The following UBE3D variants were observed in gnomAD, a reference collection of about 807,000 sequenced individuals.
UBE3D encodes the protein E3 ubiquitin-protein ligase E3D.
Under a neutral mutation model 49.6 loss-of-function variants are expected in UBE3D, and 48 were observed. The observed-to-expected ratio is 0.97, with a 90% CI of 0.77 to 1.23. The LOEUF (loss-of-function observed/expected upper bound fraction) is 1.23. UBE3D is among the 50% of genes most tolerant of loss of function. UBE3D has a pLI of 0.00. For missense variants in UBE3D, 452 were observed against 468.4 expected (o/e 0.96, Z 0.32); for synonymous variants, 189 against 174.2 (o/e 1.08, Z -0.67).
At chr6:83,026,263 A>G (rs894569287) in intron 5 of UBE3D, among the ~76,000 whole-genome samples, 1 of 152,030 alleles carries the variant, frequency 6.6e-6, no homozygotes, top group Non-Finnish European at 1.5e-5. Flanking sequence ...TCTGGACAAC[A>G]AAGTGACAGC....
chr6:83,057,964 T>C lies in UBE3D; in HGVS notation c.136A>G (p.Met46Val). Reference sequence around the variant, plus strand: ...TCTGTGCAGCCTTCAGGGGTTTTCATCTGGAGTGAAGATGGCATTATGGAA... The same window carrying C: ...TCTGTGCAGCCTTCAGGGGTTTTCACCTGGAGTGAAGATGGCATTATGGAA... ...NISIMPSSLQ[M>V]KTPEGCTEIQ... The change falls in exon 2 of 10, where the codon ATG becomes GTG. Residue 46 changes from methionine (M) to valine (V), a missense_variant. Transcript: ENST00000369747. The C allele has an allele frequency of 6.2e-7, 1 of 1,614,174 alleles. No homozygotes were observed. The highest frequency in any genetic ancestry group is 8.5e-7 in the Non-Finnish European group (1 of 1,180,026).
At chr6:82,972,501 C>G (rs1432360074) in intron 8 of UBE3D, among the ~76,000 whole-genome samples, 1 of 152,156 alleles carries the variant, frequency 6.6e-6, no homozygotes, top group African/African-American at 2.4e-5. Flanking sequence ...AAAAAGCCCT[C>G]AAGTTTAAGC....
intron 8 of UBE3D, among the ~76,000 whole-genome samples, chr6:83,010,550 G>C (rs1780265177): frequency 1.3e-5 from 2 of 152,010 alleles, no homozygotes; most frequent in African/African-American, 4.8e-5. Context: ...TATTAGTAAG[G>C]GTTCTCTAGA....
intron 1 of UBE3D, among the ~76,000 whole-genome samples, chr6:83,061,223 G>T (rs1320848875): frequency 6.6e-6 from 1 of 152,212 alleles, no homozygotes; most frequent in African/African-American, 2.4e-5. Context: ...ATCTTGCAAA[G>T]TGTCAGGACC....
intron 8 of UBE3D, among the ~76,000 whole-genome samples, chr6:82,993,121 G>GGA (rs376760223): frequency 2.7e-4 from 40 of 149,890 alleles, no homozygotes; most frequent in Admixed American, 4.7e-4. Context: ...GGGTCGGGGG[G>GGA]GAGAGAGAGA....
intron 9 of UBE3D, among the ~76,000 whole-genome samples, chr6:82,952,122 T>G (rs1319609545): frequency 6.6e-6 from 1 of 152,136 alleles, no homozygotes; most frequent in African/African-American, 2.4e-5. Flanking sequence ...TAAAAACATC[T>G]TACTTTGTTT....
chr6:82,984,312 T>G (rs1281570171), intron 8 of UBE3D, among the ~76,000 whole-genome samples: 1 of 152,190 alleles, frequency 6.6e-6, no homozygotes, highest in Non-Finnish European at 1.5e-5. Flanking sequence ...ACATTTGGGT[T>G]GTTTGATTCA....
In UBE3D at chr6:82,923,259, C is replaced by T. The variant is rs554995745; in HGVS notation, c.1150-30217G>A. 6.3e-4 allele frequency among the ~76,000 whole-genome samples: 96 copies of T among 152,326 alleles called. 1 individual carries two copies. Among genetic ancestry groups the T allele is most frequent in the South Asian group, 3.1e-3 (15 of 4,828 alleles). ...ATGTTACTATAAAGACACACGTACA[C>T]GTATGTTTATTGCAGCACTATTCAC... On this transcript the variant is annotated intron_variant, in intron 9 of 9. Transcript: ENST00000369747.
At position 83,038,453 on chromosome 6, in the gene UBE3D, C is replaced by T. The variant is rs751315357; in HGVS notation, c.630G>A (p.Lys210=). ...TCTCTCCCAACATTACCTTGCAACG[C>T]TTACAAATTACTTTGGTATTTGCCT... is the stretch of plus-strand genomic sequence containing the variant. ...EPKANTKVIC[K]RCKVMLGETV... The change falls in exon 5 of 10, where the codon AAG becomes AAA. Residue 210 remains lysine (K), a synonymous_variant. Coordinates refer to ENST00000369747, the MANE Select transcript of UBE3D (RefSeq NM_198920.3). 1.9e-6 allele frequency: 3 copies of T among 1,611,664 alleles called. No individual in the cohort carries two copies. The highest frequency in any genetic ancestry group is 1.7e-5 in the Admixed American group (1 of 59,588).
At chr6:83,017,547 T>A (rs1325292853) in intron 8 of UBE3D, 2 of 152,006 alleles carry the variant, frequency 1.3e-5, no homozygotes, top group African/African-American at 4.8e-5. Context: ...CTCAATAAAA[T>A]ATAAGGATAG....
chr6:83,013,913 C>T (rs1780519229), intron 8 of UBE3D, among the ~76,000 whole-genome samples: 1 of 152,180 alleles, frequency 6.6e-6, no homozygotes, highest in Admixed American at 6.5e-5. Context: ...AGGGTCTCTC[C>T]AAATAGGATT....
chr6:82,908,972 C>T (rs1263881125), intron 9 of UBE3D, among the ~76,000 whole-genome samples: 2 of 152,128 alleles, frequency 1.3e-5, no homozygotes, highest in Middle Eastern at 3.2e-3. Context: ...TTCACTTGCC[C>T]CTCTCTGTAG....
At chr6:83,015,580 T>C (rs1780641953) in intron 8 of UBE3D, among the ~76,000 whole-genome samples, 1 of 152,192 alleles carries the variant, frequency 6.6e-6, no homozygotes, top group African/African-American at 2.4e-5. Flanking sequence ...TTTCCAGATT[T>C]CTGTTTATAT....
intron 8 of UBE3D, among the ~76,000 whole-genome samples, chr6:82,970,157 A>C: frequency 6.7e-6 from 1 of 149,672 alleles, no homozygotes; most frequent in Non-Finnish European, 1.5e-5. Context: ...ATTTAAGGAC[A>C]GAAAAATTGA....
At chr6:83,024,599 C>T (rs893533146) in intron 5 of UBE3D, among the ~76,000 whole-genome samples, 2 of 152,030 alleles carry the variant, frequency 1.3e-5, no homozygotes, top group African/African-American at 4.8e-5. Flanking sequence ...TTCAGGGATC[C>T]ACTGGACCCA....
At chr6:83,000,708 C>A (rs1304728030) in intron 8 of UBE3D, among the ~76,000 whole-genome samples, 1 of 151,822 alleles carries the variant, frequency 6.6e-6, no homozygotes, top group Non-Finnish European at 1.5e-5. Flanking sequence ...TACTCTATGC[C>A]TGTTTCTCTC....
intron 4 of UBE3D, 96 bp downstream of exon 4, chr6:83,044,332 C>T (rs1223423986): frequency 4.2e-6 from 5 of 1,176,916 alleles, no homozygotes; most frequent in Admixed American, 2.1e-5. Context: ...GCCTTTACAG[C>T]AGTCTATGTA....
At chr6:83,044,335 TC>T (rs1782875101) in intron 4 of UBE3D, 92 bp downstream of exon 4, 1 of 1,223,422 alleles carries the variant, frequency 8.2e-7, no homozygotes. Context: ...TTTACAGCAG[TC>T]TATGTAACAA....
chr6:83,034,818 G>A (rs1479177656), intron 5 of UBE3D, among the ~76,000 whole-genome samples: 1 of 151,972 alleles, frequency 6.6e-6, no homozygotes, highest in Non-Finnish European at 1.5e-5. Context: ...CTTTACAGCA[G>A]TGTGAAAATG....
Sources: gnomAD v4.1 joint callset for allele counts (sites outside exome capture counted in the v4.1 genomes callset) on GRCh38, gnomAD v4.1.1 for gene constraint, MANE v1.5 for transcripts, NCBI Gene and HGNC (gene_info 2026-07-23, HGNC 2026-07-21) for gene names.